The following SPPL2A variants were observed in gnomAD, a reference collection of about 807,000 sequenced individuals.
SPPL2A encodes the protein signal peptide peptidase like 2A, also known as signal peptide peptidase-like 2A.
SPPL2A carries 51 observed loss-of-function variants against 63.8 expected under a neutral mutation model. That is an observed-to-expected ratio of 0.80 (90% CI 0.64 to 1.01). The LOEUF (loss-of-function observed/expected upper bound fraction) is 1.01, where lower values mean the gene tolerates loss of function less well. SPPL2A is among the 50% of genes least tolerant of loss of function. SPPL2A has a pLI of 0.00. For missense variants in SPPL2A, 553 were observed against 622.7 expected (o/e 0.89, Z 1.19); for synonymous variants, 188 against 205.8 (o/e 0.91, Z 0.74).
chr15:50,707,768 T>C lies in SPPL2A; in HGVS notation c.*32A>G, dbSNP rs758774250. On this transcript the variant is annotated 3_prime_UTR_variant, in exon 15 of 15. Transcript: ENST00000261854. ...AAAGTCGAAGTCTATTTGTAGAAAA[T>C]CAATGACACATTATAGCAGTTCCAC... is the stretch of plus-strand genomic sequence containing the variant. 6.3e-6 allele frequency: 7 copies of C among 1,118,444 alleles called. No homozygotes were observed. Among genetic ancestry groups the C allele is most frequent in the Non-Finnish European group, 8.1e-6 (6 of 738,928 alleles). 69.3% of individuals were successfully genotyped at this position (1,118,444 alleles called of 1,614,324 possible).
chr15:50,758,561 C>T (rs965254977), intron 1 of SPPL2A, among the ~76,000 whole-genome samples: 6 of 151,808 alleles, frequency 4.0e-5, no homozygotes, highest in Non-Finnish European at 7.4e-5. Context: ...ATCTCTTGAC[C>T]GCGTGATCTG....
rs761050163 is a variant in SPPL2A at position 50,748,814 on chromosome 15, A to C, written c.234T>G (p.Ile78Met). 6.2e-7 allele frequency: 1 copy of C among 1,611,542 alleles called. No homozygotes were observed. Among genetic ancestry groups the C allele is most frequent in the South Asian group, 1.1e-5 (1 of 90,616 alleles). Residue 78 changes from isoleucine (I) to methionine (M), a missense_variant, in exon 3 of 15, where the codon ATT (isoleucine) becomes ATG (methionine). Transcript: ENST00000261854. ...TSTPLCNLSDIPPVGIKSKAV... is the reference protein window; with the variant it reads ...TSTPLCNLSDMPPVGIKSKAV... ...CTTTGCTCTTTATGCCAACAGGAGG[A>C]ATATCAGAAAGGTTGCATAGTGGTG...
At chr15:50,712,498 C>G (rs572957657) in intron 14 of SPPL2A, among the ~76,000 whole-genome samples, 103 of 152,204 alleles carry the variant, frequency 6.8e-4, no homozygotes, top group East Asian at 3.5e-3. Context: ...GGAACCATAT[C>G]AAGTCTCCCT....
chr15:50,737,601 C>T (rs1596388100), intron 6 of SPPL2A, among the ~76,000 whole-genome samples: 1 of 152,010 alleles, frequency 6.6e-6, no homozygotes, highest in East Asian at 2.0e-4. Flanking sequence ...TACGGGCACG[C>T]ACCACCATGC....
intron 14 of SPPL2A, among the ~76,000 whole-genome samples, chr15:50,718,337 C>G (rs1275452840): frequency 6.6e-6 from 1 of 151,976 alleles, no homozygotes; most frequent in African/African-American, 2.4e-5. Context: ...CATCTTGTAT[C>G]ACCAATACCA....
chr15:50,725,888 G>C (rs2062683547), intron 11 of SPPL2A: 2 of 314,018 alleles, frequency 6.4e-6, no homozygotes, highest in Non-Finnish European at 1.3e-5. Flanking sequence ...TATTAACCAA[G>C]TATCCCCACA....
Position 50,748,211 on chromosome 15 carries a change from G to T in SPPL2A, c.361-9C>A. 1.6e-6 allele frequency: 2 copies of T among 1,278,202 alleles called. No individual in the cohort carries two copies. The highest frequency in any genetic ancestry group is 1.6e-5 in the South Asian group (1 of 61,022). 79.2% of individuals were successfully genotyped at this position (1,278,202 alleles called of 1,614,324 possible). A position where few individuals can be genotyped will look rare whatever the true frequency, so the allele number is the denominator to read the frequency against. ...TTACCTGAGGGAGGAAACTAAAAAA[G>T]AAAAAATTATGAAAACTTATTTACT... On this transcript the variant is annotated splice_polypyrimidine_tract_variant and intron_variant, in intron 3 of 14. Coordinates refer to ENST00000261854, the MANE Select transcript of SPPL2A (RefSeq NM_032802.4).
Position 50,706,689 on chromosome 15 carries a change from T to C in SPPL2A, c.*1111A>G, listed in dbSNP as rs2062512319. 1 of 152,142 alleles carries C rather than the reference T, an allele frequency of 6.6e-6. No homozygotes were observed. The highest frequency in any genetic ancestry group is 1.5e-5 in the Non-Finnish European group (1 of 68,034). 9.4% of individuals were successfully genotyped at this position (152,142 alleles called of 1,614,324 possible). On this transcript the variant is annotated 3_prime_UTR_variant, in exon 15 of 15. Transcript: ENST00000261854. ...TGAGCCATATGTATTAATACATAAT[T>C]TCTTAAGAAAAATAATTTTTTTAAA...
At chr15:50,713,007 T>G (rs2062572094) in intron 14 of SPPL2A, among the ~76,000 whole-genome samples, 1 of 152,032 alleles carries the variant, frequency 6.6e-6, no homozygotes, top group Non-Finnish European at 1.5e-5. Flanking sequence ...CTTATTCCCC[T>G]ACCTCCCTGT....
intron 1 of SPPL2A, among the ~76,000 whole-genome samples, 176 bp downstream of exon 1, chr15:50,765,292 G>A (rs1242176199): frequency 6.6e-6 from 1 of 152,178 alleles, no homozygotes; most frequent in Non-Finnish European, 1.5e-5. Flanking sequence ...AAAGAGGAGG[G>A]TGGAAGGAAA....
At chr15:50,726,010 A>G in intron 11 of SPPL2A, 1 of 1,094,344 alleles carries the variant, frequency 9.1e-7, no homozygotes, top group Non-Finnish European at 1.2e-6. Context: ...CCCCCAAAGA[A>G]GAGTCTTGTC....
chr15:50,708,429 C>T lies in SPPL2A; in HGVS notation c.1489-555G>A, dbSNP rs544947903. Among the ~76,000 whole-genome samples, 5 of 152,162 alleles carry T rather than the reference C, an allele frequency of 3.3e-5. No homozygotes were observed. In the East Asian group the frequency reaches 5.8e-4, roughly 18 times the overall value. ...AAAACCAAGAATACATTTGCTAGGC[C>T]GGGCGCAGTGGCTCACACCTGTAAT... On this transcript the variant is annotated intron_variant, in intron 14 of 14. Transcript: ENST00000261854.
Position 50,706,250 on chromosome 15 carries a change from C to T in SPPL2A, c.*1550G>A, listed in dbSNP as rs980583341. On this transcript the variant is annotated 3_prime_UTR_variant, in exon 15 of 15. Coordinates refer to ENST00000261854, the MANE Select transcript of SPPL2A (RefSeq NM_032802.4). ...ACTAAAACTACAAAAAATAGCCGGG[C>T]GTAGTGGCGGGCGCCTGTAGTCCTA... The T allele has an allele frequency of 1.3e-5, 2 of 151,248 alleles. No individual in the cohort carries two copies. Among genetic ancestry groups the T allele is most frequent in the African/African-American group, 2.4e-5 (1 of 41,248 alleles). The allele number at this position is 151,248 out of a possible 1,614,324, so 9.4% of individuals were successfully genotyped here.
At chr15:50,758,308 T>C (rs541239399) in intron 1 of SPPL2A, among the ~76,000 whole-genome samples, 1 of 150,382 alleles carries the variant, frequency 6.6e-6, no homozygotes, top group South Asian at 2.1e-4. Flanking sequence ...AAAAGAACAA[T>C]TTTAATGTTT....
intron 1 of SPPL2A, among the ~76,000 whole-genome samples, chr15:50,761,998 C>G (rs12914895): frequency 0.53 from 80,513 of 151,800 alleles, 21,482 homozygotes; most frequent in African/African-American, 0.59. Flanking sequence ...CCCATGACTG[C>G]GTCCACACTG....
intron 12 of SPPL2A, among the ~76,000 whole-genome samples, chr15:50,724,057 G>C (rs2062667534): frequency 6.6e-6 from 1 of 152,156 alleles, no homozygotes; most frequent in South Asian, 2.1e-4. Context: ...TCAGGCATAA[G>C]TTTAATGATA....
intron 1 of SPPL2A, among the ~76,000 whole-genome samples, chr15:50,760,948 T>G (rs550209553): frequency 6.6e-6 from 1 of 152,176 alleles, no homozygotes; most frequent in African/African-American, 2.4e-5. Flanking sequence ...GATGCAGCTA[T>G]ATGCTACTTC....
chr15:50,732,725 T>C (rs754528977), intron 8 of SPPL2A, 41 bp from the exon 9 acceptor site: 7 of 1,202,498 alleles, frequency 5.8e-6, no homozygotes, highest in Non-Finnish European at 6.1e-6. Context: ...TATCAATGTT[T>C]AGATGAAGCC....
chr15:50,722,468 T>C (rs914909520), intron 12 of SPPL2A, among the ~76,000 whole-genome samples: 8 of 152,336 alleles, frequency 5.3e-5, no homozygotes, highest in Admixed American at 5.2e-4. Flanking sequence ...AAAACTTTTT[T>C]TTTTTTGAGA....
Sources: allele counts gnomAD v4.1 joint callset (sites outside exome capture counted in the v4.1 genomes callset), GRCh38; gene constraint gnomAD v4.1.1; transcripts MANE v1.5; gene names NCBI Gene and HGNC (gene_info 2026-07-23, HGNC 2026-07-21).